ICAM5: variants seen among roughly 807,000 people sequenced by gnomAD.
ICAM5 encodes intercellular adhesion molecule 5, also known as ICAM-5.
ICAM5 carries 38 observed loss-of-function variants against 78.8 expected under a neutral mutation model. The observed-to-expected ratio is 0.48, with a 90% confidence interval of 0.37 to 0.63. ICAM5 has a LOEUF of 0.63. Among genes scored for constraint, ICAM5 ranks in the 30% least tolerant of loss-of-function variants. The probability of loss-of-function intolerance (pLI) is 0.00; values close to 1 mark genes in which losing one functional copy is unlikely to be tolerated. For missense variants in ICAM5, 1,059 were observed against 1,303.0 expected, an observed-to-expected ratio of 0.81 and a Z score of 2.88; for synonymous variants, 544 against 590.9, an observed-to-expected ratio of 0.92 and a Z score of 1.15.
In ICAM5 at chr19:10,292,659, G is replaced by A; in HGVS notation, c.1009G>A (p.Gly337Arg). Reference protein sequence around the residue: ...LTLSEPSVSEGQMVTVTCAAG... With the variant: ...LTLSEPSVSERQMVTVTCAAG... ...CCTGAGCGAACCCAGCGTCTCCGAG[G>A]GGCAGATGGTGACAGTAACCTGCGC... is the stretch of plus-strand genomic sequence containing the variant. Residue 337 changes from glycine to arginine, a missense_variant, in exon 5 of 11, where the codon GGG becomes AGG. By Grantham distance (125) the Gly-to-Arg change is moderately radical. This residue lies in a region of ICAM5 where 815 missense variants were observed against 952.8 expected (regional missense o/e 0.86). Transcript: ENST00000221980. 1 of 1,602,524 alleles carries A rather than the reference G, an allele frequency of 6.2e-7. No individual in the cohort carries two copies. The highest frequency in any genetic ancestry group is 8.5e-7 in the Non-Finnish European group (1 of 1,174,770).
At position 10,296,566 on chromosome 19, in the gene ICAM5, G is replaced by A. The variant is rs1480453474; in HGVS notation, c.2725G>A (p.Glu909Lys). 8.2e-7 allele frequency: 1 copy of A among 1,219,336 alleles called. No homozygotes were observed. Among genetic ancestry groups the A allele is most frequent in the Admixed American group, 4.4e-5 (1 of 22,784 alleles). 75.5% of individuals were successfully genotyped at this position (1,219,336 alleles called of 1,614,324 possible). A position where few individuals can be genotyped will look rare whatever the true frequency, so the allele number is the denominator to read the frequency against. The change falls in exon 11 of 11, where the codon GAG becomes AAG. Residue 909 changes from glutamate (E) to lysine (K), a missense_variant. Physicochemically the swap from Glu to Lys is moderately conservative, Grantham distance 56. Coordinates refer to ENST00000221980, the MANE Select transcript of ICAM5 (RefSeq NM_003259.4). The part of the protein sequence containing the change: ...GGPEAAGGAA[E>K]SPAEGEVFAI... ...ACCCGAGGCGGCGGGGGGCGCGGCC[G>A]AGTCGCCGGCGGAGGGCGAGGTCTT... is the stretch of plus-strand genomic sequence containing the variant.
chr19:10,292,081 A>G lies in ICAM5; in HGVS notation c.720A>G (p.Glu240=). ...GCCTCGCTGCTCCCCGGCTCTTGGA[A>G]GTTGGCTCGGAAAGGCCCGTGAGCT... ...APRLAAPRLL[E]VGSERPVSCT... Residue 240 remains glutamate, a synonymous_variant, in exon 4 of 11, where the codon GAA becomes GAG. Coordinates refer to ENST00000221980, the MANE Select transcript of ICAM5 (RefSeq NM_003259.4). 2.5e-6 allele frequency: 4 copies of G among 1,612,756 alleles called. No individual in the cohort carries two copies. Among genetic ancestry groups the G allele is most frequent in the Non-Finnish European group, 3.4e-6 (4 of 1,179,540 alleles).
chr19:10,292,562 C>T, intron 4 of ICAM5, 50 bp from the exon 5 acceptor site: 4 of 1,519,014 alleles, frequency 2.6e-6, no homozygotes, highest in Non-Finnish European at 3.5e-6. Flanking sequence ...GGGCCTTGAC[C>T]GGAGGGAGGG....
chr19:10,296,713 T>C lies in ICAM5; in HGVS notation c.*97T>C, dbSNP rs2040223877. The C allele has an allele frequency of 2.8e-6, 3 of 1,063,368 alleles. No individual in the cohort carries two copies. The highest frequency in any genetic ancestry group is 3.5e-6 in the Non-Finnish European group (3 of 856,328). The allele number at this position is 1,063,368 out of a possible 1,614,324, so 65.9% of individuals were successfully genotyped here. A position where few individuals can be genotyped will look rare whatever the true frequency, so the allele number is the denominator to read the frequency against. ...TTATTTACTTATTCATTTATTTATG[T>C]ATTCAACTCCAAGGGCGTCACCCCC... On this transcript the variant is annotated 3_prime_UTR_variant, in exon 11 of 11. Coordinates refer to ENST00000221980, the MANE Select transcript of ICAM5 (RefSeq NM_003259.4).
chr19:10,296,318 G>T, intron 10 of ICAM5, 21 bp from the exon 11 acceptor site: 2 of 1,229,646 alleles, frequency 1.6e-6, no homozygotes, highest in Non-Finnish European at 2.0e-6. Flanking sequence ...GCCACCCTCC[G>T]CGAGGGTCTC....
In ICAM5 at chr19:10,292,257, A is replaced by G. The variant is rs2040179636; in HGVS notation, c.896A>G (p.Gln299Arg). The G allele has an allele frequency of 4.3e-6, 7 of 1,612,730 alleles. No individual in the cohort carries two copies. The highest frequency in any genetic ancestry group is 5.9e-6 in the Non-Finnish European group (7 of 1,179,826). Residue 299 changes from glutamine to arginine, a missense_variant, in exon 4 of 11, where the codon CAG becomes CGG. Gln to Arg is a conservative substitution (Grantham distance 43). Coordinates refer to ENST00000221980, the MANE Select transcript of ICAM5 (RefSeq NM_003259.4). ...TASAEQEGAR[Q>R]LVCNVTLGGE... ...AGCGCAGAGCAGGAGGGTGCCAGGC[A>G]GCTGGTCTGCAACGTCACCCTGGGG...
chr19:10,291,010 A>T, intron 1 of ICAM5, 62 bp from the exon 2 acceptor site: 2 of 1,532,336 alleles, frequency 1.3e-6, no homozygotes, highest in Non-Finnish European at 1.8e-6. Context: ...TTGACTCGAC[A>T]TAGGGGCGCT....
In ICAM5 at chr19:10,296,437, A is replaced by C. The variant is rs865810870; in HGVS notation, c.2596A>C (p.Lys866Gln). ...CTTCTACGTGCAGTCCACCGCCTGC[A>C]AGAAGGGCGAGTACAACGTGCAGGA... ...LAFYVQSTAC[K>Q]KGEYNVQEAE... Residue 866 changes from lysine to glutamine, a missense_variant, in exon 11 of 11, where the codon AAG (lysine) becomes CAG (glutamine). Lys to Gln is a moderately conservative substitution (Grantham distance 53). Transcript: ENST00000221980. 1.5e-6 allele frequency: 2 copies of C among 1,328,298 alleles called. No homozygotes were observed. Among genetic ancestry groups the C allele is most frequent in the Non-Finnish European group, 1.9e-6 (2 of 1,026,134 alleles). 82.3% of individuals were successfully genotyped at this position (1,328,298 alleles called of 1,614,324 possible).
chr19:10,291,133 G>A lies in ICAM5; in HGVS notation c.144G>A (p.Gly48=). The change falls in exon 2 of 11, where the codon GGG becomes GGA. Residue 48 remains glycine (G), a synonymous_variant. Coordinates refer to ENST00000221980, the MANE Select transcript of ICAM5 (RefSeq NM_003259.4). ...CTCGCGTGGCGTTCGTGGAGCGCGG[G>A]GGCTCGCTGTGGCTGAATTGCAGCA... ...LQPRVAFVER[G]GSLWLNCSTN... is the part of the protein sequence containing the mutation. The A allele has an allele frequency of 2.5e-6, 4 of 1,612,258 alleles. No homozygotes were observed. Among genetic ancestry groups the A allele is most frequent in the Non-Finnish European group, 3.4e-6 (4 of 1,179,728 alleles).
chr19:10,292,717 G>C lies in ICAM5; in HGVS notation c.1067G>C (p.Gly356Ala), dbSNP rs957964792. Reference sequence around the variant, plus strand: ...GCCCAAGCTCTGGTCACACTGGAGGGAGTTCCAGCCGCGGTCCCGGGGCAG... The same window carrying C: ...GCCCAAGCTCTGGTCACACTGGAGGCAGTTCCAGCCGCGGTCCCGGGGCAG... The part of the protein sequence containing the change: ...AGAQALVTLE[G>A]VPAAVPGQPA... The change falls in exon 5 of 11, where the codon GGA (glycine) becomes GCA (alanine). Residue 356 changes from glycine to alanine, a missense_variant. Physicochemically the swap from Gly to Ala is moderately conservative, Grantham distance 60. Transcript: ENST00000221980. The C allele has an allele frequency of 6.2e-7, 1 of 1,613,352 alleles. No homozygotes were observed.
At chr19:10,292,397 G>T in intron 4 of ICAM5, 75 bp downstream of exon 4, 1 of 1,482,228 alleles carries the variant, frequency 6.7e-7, no homozygotes. Context: ...AAGAGTGGGC[G>T]GGACCTCAGT....
Position 10,292,594 on chromosome 19 carries a change from C to G in ICAM5, c.962-18C>G. 1.3e-6 allele frequency: 2 copies of G among 1,547,230 alleles called. No homozygotes were observed. Among genetic ancestry groups the G allele is most frequent in the Non-Finnish European group, 1.7e-6 (2 of 1,148,866 alleles). ...AGGGGTATGGTCAGTATACTACGAC[C>G]AAATGCTCCGCCCCCAGGCTTCCCG... On this transcript the variant is annotated intron_variant, in intron 4 of 10. Transcript: ENST00000221980.
rs2040206671 is a variant in ICAM5 at position 10,294,698 on chromosome 19, C to A, written c.2230+58C>A. ...CGGTCCTCGGAAGAATGACTCGCAG[C>A]GGTGGGAGCATTCAAGGGCACCTCT... is the stretch of plus-strand genomic sequence containing the variant. On this transcript the variant is annotated intron_variant, in intron 9 of 10. Transcript: ENST00000221980. This position sits in a 1 kb window ranked among gnomAD's most constrained non-coding sequence, Gnocchi z 7.7. 4.4e-6 allele frequency: 7 copies of A among 1,604,832 alleles called. No homozygotes were observed. Among genetic ancestry groups the A allele is most frequent in the Non-Finnish European group, 5.9e-6 (7 of 1,177,278 alleles).
At chr19:10,295,320 C>T in intron 9 of ICAM5, 26 bp from the exon 10 acceptor site, 1 of 1,503,074 alleles carries the variant, frequency 6.7e-7, no homozygotes, top group Non-Finnish European at 8.8e-7. Flanking sequence ...GGCGCTAAGC[C>T]CCACTTCACC....
In ICAM5 at chr19:10,296,691, TTTAC is replaced by T; in HGVS notation, c.*79_*82del. ...GGGGGCTTATTTATTGCTTTATTTA[TTTAC>T]TTATTCATTTATTTATGTATTCAAC... On this transcript the variant is annotated 3_prime_UTR_variant, in exon 11 of 11. Coordinates refer to ENST00000221980, the MANE Select transcript of ICAM5 (RefSeq NM_003259.4). 2 of 1,140,564 alleles carry T rather than the reference TTTAC, an allele frequency of 1.8e-6. No homozygotes were observed. The highest frequency in any genetic ancestry group is 8.7e-5 in the South Asian group (2 of 22,952). The allele number at this position is 1,140,564 out of a possible 1,614,324, so 70.7% of individuals were successfully genotyped here. A position where few individuals can be genotyped will look rare whatever the true frequency, so the allele number is the denominator to read the frequency against.
chr19:10,291,154 C>A lies in ICAM5; in HGVS notation c.165C>A (p.Cys55Ter). The change falls in exon 2 of 11, where the codon TGC becomes TGA. Residue 55 changes from cysteine (C) to a stop codon, truncating the protein, a stop_gained. Transcript: ENST00000221980. LOFTEE classifies it high-confidence loss of function. ...VERGGSLWLNCSTNCPRPERG... is the reference protein window; with the variant it reads ...VERGGSLWLN ...GCGGGGGCTCGCTGTGGCTGAATTG[C>A]AGCACCAACTGCCCTCGGCCGGAGC... 6.2e-7 allele frequency: 1 copy of A among 1,612,388 alleles called. No homozygotes were observed. The highest frequency in any genetic ancestry group is 8.5e-7 in the Non-Finnish European group (1 of 1,179,840).
rs1439933723 is a variant in ICAM5 at position 10,291,065 on chromosome 19, T to C, written c.83-7T>C. The C allele has an allele frequency of 1.2e-6, 2 of 1,602,438 alleles. No homozygotes were observed. Among genetic ancestry groups the C allele is most frequent in the Non-Finnish European group, 1.7e-6 (2 of 1,173,848 alleles). On this transcript the variant is annotated splice_region_variant and splice_polypyrimidine_tract_variant and intron_variant, in intron 1 of 10. Coordinates refer to ENST00000221980, the MANE Select transcript of ICAM5 (RefSeq NM_003259.4). Reference sequence around the variant, plus strand: ...TCCCCAGGCTCAGCCCGCGTTTCCCTGGGCAGCGGTCTCGCAGGAGCCCTT... The same window carrying C: ...TCCCCAGGCTCAGCCCGCGTTTCCCCGGGCAGCGGTCTCGCAGGAGCCCTT...
rs11673661 is a variant in ICAM5, at chr19:10,294,923, G to C, written c.2230+283G>C. The stretch of plus-strand genomic sequence containing the variant: ...TCTACAAAAATTAGCCGGTCGTGGT[G>C]GTGGGCGCCTGTGGTCCCAGCTACT... On this transcript the variant is annotated intron_variant, in intron 9 of 10. Coordinates refer to ENST00000221980, the MANE Select transcript of ICAM5 (RefSeq NM_003259.4). This position sits in a 1 kb window ranked among gnomAD's most constrained non-coding sequence, Gnocchi z 7.7. Among the ~76,000 whole-genome samples the C allele has an allele frequency of 0.04, 6,110 of 152,240 alleles. 130 individuals carry two copies. The highest frequency in any genetic ancestry group is 0.044 in the African/African-American group (1,828 of 41,538).
chr19:10,294,437 A>G lies in ICAM5; in HGVS notation c.2027A>G (p.His676Arg), dbSNP rs1313804971. 2 of 1,610,886 alleles carry G rather than the reference A, an allele frequency of 1.2e-6. No homozygotes were observed. Among genetic ancestry groups the G allele is most frequent in the East Asian group, 4.5e-5 (2 of 44,842 alleles). ...PEMDESTCPS[H>R]QTWLEGAEAS... ...ATGGATGAATCTACCTGCCCAAGTC[A>G]CCAGACGTGGCTGGAAGGGGCTGAG... Residue 676 changes from histidine (H) to arginine (R), a missense_variant, in exon 9 of 11, where the codon CAC becomes CGC. Around this residue, in one of 3 missense-constraint regions of ICAM5, gnomAD observed 815 missense variants for 952.8 expected, o/e 0.86. Coordinates refer to ENST00000221980, the MANE Select transcript of ICAM5 (RefSeq NM_003259.4). The surrounding 1 kb of genome is among the most constrained non-coding windows in gnomAD (Gnocchi z 7.7).
Sources: allele counts gnomAD v4.1 joint callset (sites outside exome capture counted in the v4.1 genomes callset), GRCh38; gene constraint gnomAD v4.1.1; regional missense constraint gnomAD v4.1.1; non-coding constraint Gnocchi (gnomAD v3.1); transcripts MANE v1.5; gene names NCBI Gene and HGNC (gene_info 2026-07-23, HGNC 2026-07-21).